Variants in LMO7 observed in about 807,000 individuals in gnomAD.
LMO7 encodes the protein LIM domain only protein 7.
LMO7 carries 120 observed loss-of-function variants against 206.5 expected under a neutral mutation model. That is an observed-to-expected ratio of 0.58 (90% confidence interval 0.50 to 0.68). The LOEUF (loss-of-function observed/expected upper bound fraction) is 0.68, where lower values mean the gene tolerates loss of function less well. LMO7 is among the 30% of genes least tolerant of loss of function. The pLI, the probability that LMO7 is intolerant of heterozygous loss-of-function variation, is 0.00. For synonymous variants in LMO7, 706 were observed against 681.5 expected, an observed-to-expected ratio of 1.04 and a Z score of -0.56; for missense variants, 1,959 against 1,957.9, an observed-to-expected ratio of 1.00 and a Z score of -0.01.
At position 75,804,601 on chromosome 13, in the gene LMO7, A is replaced by C. The variant is rs2274062; in HGVS notation, c.914+60A>C. Reference sequence around the variant, plus strand: ...GCTTTTCGAATATGGTAGGATGTTAAATGTGGTAAAAAGAATGGCTCTTAA... The same window carrying C: ...GCTTTTCGAATATGGTAGGATGTTACATGTGGTAAAAAGAATGGCTCTTAA... On this transcript the variant is annotated intron_variant, in intron 8 of 30. Transcript: ENST00000377534. The C allele has an allele frequency of 5.2e-6, 8 of 1,543,866 alleles. No homozygotes were observed. The Admixed American group carries it at 5.8e-5, about 11-fold the overall frequency.
At chr13:75,673,456 T>C (rs1280372533) in intron 1 of LMO7, among the ~76,000 whole-genome samples, 5 of 152,168 alleles carry the variant, frequency 3.3e-5, no homozygotes, top group African/African-American at 1.2e-4. Flanking sequence ...CCTTTAATCT[T>C]ACCCTTTCTC....
rs2047365250 is a variant in LMO7 at position 75,752,624 on chromosome 13, C to G, written c.211-8308C>G. The stretch of plus-strand genomic sequence containing the variant: ...AATGCTGTGAGTCCCCATTGTCCAT[C>G]ATTCACACTCTACTTCCATTTGTAT... On this transcript the variant is annotated intron_variant, in intron 3 of 30. Transcript: ENST00000377534. Among the ~76,000 whole-genome samples the G allele has an allele frequency of 2.6e-5, 4 of 152,164 alleles. No individual in the cohort carries two copies. The South Asian group carries it at 8.3e-4, about 32-fold the overall frequency.
intron 1 of LMO7, among the ~76,000 whole-genome samples, chr13:75,706,327 C>CT (rs1361546654): frequency 1.3e-5 from 2 of 152,060 alleles, no homozygotes; most frequent in Non-Finnish European, 2.9e-5. Flanking sequence ...ATTGTGCTTT[C>CT]TTTTTTTGGT....
At chr13:75,696,517 T>C (rs2041916810) in intron 1 of LMO7, among the ~76,000 whole-genome samples, 1 of 152,192 alleles carries the variant, frequency 6.6e-6, no homozygotes, top group Non-Finnish European at 1.5e-5. Flanking sequence ...AATTGGGACT[T>C]AGTAGTAGGT....
chr13:75,772,519 G>A (rs1443746739), intron 4 of LMO7, among the ~76,000 whole-genome samples: 2 of 152,046 alleles, frequency 1.3e-5, no homozygotes. Flanking sequence ...TGAGTTTACA[G>A]GTATGGAAAC....
rs183169712 is a variant in LMO7, at chr13:75,747,903, G to A, written c.211-13029G>A. Among the ~76,000 whole-genome samples the A allele has an allele frequency of 3.9e-5, 6 of 152,316 alleles. No homozygotes were observed. The East Asian group carries it at 7.7e-4, about 20-fold the overall frequency. On this transcript the variant is annotated intron_variant, in intron 3 of 30. Coordinates refer to ENST00000377534, the MANE Select transcript of LMO7 (RefSeq NM_001306080.2). ...AAGAGGAAGATGGAACGAGGAGAGGGAGAACCAGATAGATGGCTGAGTGAG... is the reference window on the plus strand; with the variant it reads ...AAGAGGAAGATGGAACGAGGAGAGGAAGAACCAGATAGATGGCTGAGTGAG...
chr13:75,746,457 G>A (rs377396991), intron 3 of LMO7, among the ~76,000 whole-genome samples: 1 of 152,110 alleles, frequency 6.6e-6, no homozygotes, highest in Non-Finnish European at 1.5e-5. Flanking sequence ...GGAGAGTGTG[G>A]GAAACCCTCT....
rs775209616 is a variant in LMO7, at chr13:75,855,301, T to C, written c.4703T>C (p.Ile1568Thr). 6.2e-7 allele frequency: 1 copy of C among 1,614,030 alleles called. No individual in the cohort carries two copies. The highest frequency in any genetic ancestry group is 1.7e-5 in the Admixed American group (1 of 60,028). The change falls in exon 29 of 31, where the codon ATT becomes ACT. Residue 1568 changes from isoleucine to threonine, a missense_variant. Ile to Thr is a moderately conservative substitution (Grantham distance 89, BLOSUM62 -1). Transcript: ENST00000377534. The stretch of plus-strand genomic sequence containing the variant: ...CGCATATGCTCCTACTGCAATAACA[T>C]TCTGGGCAAAGGAGCCGCCATGATC... ...GKRICSYCNNILGKGAAMIIE... is the reference protein window; with the variant it reads ...GKRICSYCNNTLGKGAAMIIE...
At chr13:75,835,053 T>C in intron 17 of LMO7, 180 bp from the exon 18 acceptor site, 1 of 663,688 alleles carries the variant, frequency 1.5e-6, no homozygotes, top group Non-Finnish European at 2.2e-6. Flanking sequence ...GTTTGTCTTG[T>C]ATATGTAGAT....
At chr13:75,636,138 G>C (rs1349909872), upstream of LMO7, 4 of 232,236 alleles carry the variant, frequency 1.7e-5, no homozygotes, top group South Asian at 4.7e-4. Flanking sequence ...CCCGGGCCGC[G>C]GCCCCTGGCG....
At chr13:75,708,536 G>C (rs2138018640) in intron 1 of LMO7, among the ~76,000 whole-genome samples, 1 of 152,330 alleles carries the variant, frequency 6.6e-6, no homozygotes, top group Admixed American at 6.5e-5. Flanking sequence ...TTTAGCATCT[G>C]CGTTGGATGT....
chr13:75,674,238 T>C (rs1241270232), intron 1 of LMO7, among the ~76,000 whole-genome samples: 1 of 152,228 alleles, frequency 6.6e-6, no homozygotes, highest in Non-Finnish European at 1.5e-5. Context: ...TAAACACATC[T>C]GAAATGAACA....
At chr13:75,631,009 T>A (rs1339080400) in intron 2 of LMO7, among the ~76,000 whole-genome samples, 1 of 151,766 alleles carries the variant, frequency 6.6e-6, no homozygotes, top group East Asian at 1.9e-4. Context: ...CCACTGAATG[T>A]CCTTTTACTT....
intron 1 of LMO7, among the ~76,000 whole-genome samples, chr13:75,702,240 T>C (rs907153767): frequency 2.0e-5 from 3 of 152,210 alleles, no homozygotes; most frequent in Non-Finnish European, 4.4e-5. Flanking sequence ...TTTTGCTGGC[T>C]GTTTCCCTGC....
At chr13:75,748,196 A>G (rs907503070) in intron 3 of LMO7, among the ~76,000 whole-genome samples, 7 of 152,336 alleles carry the variant, frequency 4.6e-5, no homozygotes, top group Middle Eastern at 3.4e-3. Flanking sequence ...TTTTAAATCA[A>G]TGAGACTGAT....
At chr13:75,794,181 A>T (rs911234660) in intron 4 of LMO7, among the ~76,000 whole-genome samples, 1 of 152,192 alleles carries the variant, frequency 6.6e-6, no homozygotes, top group African/African-American at 2.4e-5. Context: ...CTAGGAATGG[A>T]ATTATTAGGT....
intron 26 of LMO7, among the ~76,000 whole-genome samples, chr13:75,848,447 C>T (rs1353836056): frequency 6.6e-6 from 1 of 151,916 alleles, no homozygotes; most frequent in East Asian, 1.9e-4. Flanking sequence ...ATCTATCTAT[C>T]TATCTATCTA....
At chr13:75,852,072 T>G (rs956809079) in intron 27 of LMO7, among the ~76,000 whole-genome samples, 4 of 152,250 alleles carry the variant, frequency 2.6e-5, no homozygotes, top group Non-Finnish European at 5.9e-5. Context: ...CTTTGAATTT[T>G]TAAAAGGCTT....
At chr13:75,792,230 A>C (rs2140650289) in intron 4 of LMO7, among the ~76,000 whole-genome samples, 1 of 152,298 alleles carries the variant, frequency 6.6e-6, no homozygotes, top group Middle Eastern at 3.4e-3. Flanking sequence ...GGTGTTCCAA[A>C]GTGCTGGGAT....
Sources: gnomAD v4.1 joint callset for allele counts (sites outside exome capture counted in the v4.1 genomes callset) on GRCh38, gnomAD v4.1.1 for gene constraint, MANE v1.5 for transcripts, NCBI Gene and HGNC (gene_info 2026-07-23, HGNC 2026-07-21) for gene names.